The following DAB1 variants were observed in gnomAD, a reference collection of about 807,000 sequenced individuals.
DAB1 encodes disabled homolog 1.
Under a neutral mutation model 64.6 loss-of-function variants are expected in DAB1, and 15 were observed. That is an observed-to-expected ratio of 0.23 (90% CI 0.16 to 0.36). The LOEUF is 0.36. Among genes scored for constraint, DAB1 ranks in the 10% least tolerant of loss-of-function variants. The pLI, the probability that DAB1 is intolerant of heterozygous loss-of-function variation, is 1.00. For synonymous variants in DAB1, 235 were observed against 251.9 expected, an observed-to-expected ratio of 0.93 and a Z score of 0.64; for missense variants, 596 against 706.7, an observed-to-expected ratio of 0.84 and a Z score of 1.78.
intron 1 of DAB1, among the ~76,000 whole-genome samples, chr1:57,319,208 T>G (rs1336424596): frequency 6.6e-6 from 1 of 152,150 alleles, no homozygotes; most frequent in Non-Finnish European, 1.5e-5. Flanking sequence ...TGGAAACAGC[T>G]TGCTTGGGGA....
At chr1:58,382,162 T>A (rs1569710595) in intron 3 of DAB1, among the ~76,000 whole-genome samples, 1 of 152,220 alleles carries the variant, frequency 6.6e-6, no homozygotes, top group African/African-American at 2.4e-5. Context: ...ATGGCACAAA[T>A]CTATGTCATT....
At chr1:57,274,218 T>C (rs188597006) in intron 2 of DAB1, among the ~76,000 whole-genome samples, 49 of 152,338 alleles carry the variant, frequency 3.2e-4, no homozygotes, top group African/African-American at 1.1e-3. Context: ...CAGTAAGGCA[T>C]AGTGAGAAGG....
At chr1:58,305,988 C>G (rs1192498684) in intron 4 of DAB1, among the ~76,000 whole-genome samples, 1 of 151,898 alleles carries the variant, frequency 6.6e-6, no homozygotes, top group Non-Finnish European at 1.5e-5. Flanking sequence ...ACCCCCCCAC[C>G]CCCCTCCACA....
intron 4 of DAB1, among the ~76,000 whole-genome samples, chr1:57,127,262 A>C (rs1657205954): frequency 6.6e-6 from 1 of 152,238 alleles, no homozygotes; most frequent in Admixed American, 6.5e-5. Flanking sequence ...CCAAGTGGAC[A>C]GCTCGGATTT....
chr1:57,665,576 T>C (rs1422344870), intron 6 of DAB1, among the ~76,000 whole-genome samples: 4 of 152,164 alleles, frequency 2.6e-5, no homozygotes, highest in South Asian at 4.1e-4. Flanking sequence ...AGATTATTTA[T>C]GACAGGATAA....
chr1:57,976,162 C>T (rs1645914855), intron 5 of DAB1, among the ~76,000 whole-genome samples: 1 of 152,122 alleles, frequency 6.6e-6, no homozygotes, highest in South Asian at 2.1e-4. Flanking sequence ...GAACTGGGGG[C>T]TTCTCTGGTT....
At chr1:58,181,777 C>A (rs1656807820) in intron 4 of DAB1, among the ~76,000 whole-genome samples, 1 of 150,726 alleles carries the variant, frequency 6.6e-6, no homozygotes, top group Non-Finnish European at 1.5e-5. Flanking sequence ...TGTTATAAGC[C>A]CAACAATAGA....
chr1:58,499,967 G>GA (rs890548462), intron 3 of DAB1, among the ~76,000 whole-genome samples: 9 of 151,712 alleles, frequency 5.9e-5, no homozygotes, highest in Admixed American at 2.0e-4. Flanking sequence ...AAAAAAAGAA[G>GA]AAAAAAATGG....
chr1:57,840,285 T>C (rs746789189), intron 1 of DAB1, among the ~76,000 whole-genome samples: 4 of 152,104 alleles, frequency 2.6e-5, no homozygotes, highest in Non-Finnish European at 4.4e-5. Context: ...GCAGAAGGAA[T>C]ATCTGAGCTA....
At chr1:57,967,389 C>T (rs1234243959) in intron 5 of DAB1, among the ~76,000 whole-genome samples, 1 of 152,114 alleles carries the variant, frequency 6.6e-6, no homozygotes. Context: ...TACTTGCTAC[C>T]CACTATCAAG....
intron 2 of DAB1, among the ~76,000 whole-genome samples, chr1:57,204,941 T>A (rs186030550): frequency 4.7e-4 from 71 of 152,280 alleles, no homozygotes; most frequent in Non-Finnish European, 3.1e-4. Flanking sequence ...TTAAAGAACT[T>A]TCAACACAGG....
chr1:58,126,600 TC>T (rs1168930867), intron 5 of DAB1, among the ~76,000 whole-genome samples: 15 of 128,190 alleles, frequency 1.2e-4, no homozygotes, highest in Admixed American at 1.6e-4. Flanking sequence ...ATGCTATCCC[TC>T]CCCCCCTACC....
At chr1:58,041,792 T>A (rs543433825) in intron 5 of DAB1, among the ~76,000 whole-genome samples, 1 of 152,314 alleles carries the variant, frequency 6.6e-6, no homozygotes, top group East Asian at 1.9e-4. Context: ...CGAGGCTGCA[T>A]CAGGACTGGC....
chr1:58,456,324 A>C (rs533988709), intron 3 of DAB1, among the ~76,000 whole-genome samples: 1 of 152,082 alleles, frequency 6.6e-6, no homozygotes, highest in Admixed American at 6.5e-5. Context: ...TTGTCTGGCT[A>C]CAGAGTCTAC....
intron 6 of DAB1, among the ~76,000 whole-genome samples, chr1:57,678,311 AAAC>A (rs1244173726): frequency 6.6e-6 from 1 of 152,220 alleles, no homozygotes; most frequent in African/African-American, 2.4e-5. Flanking sequence ...GAACTAAAAC[AAAC>A]AACAGTAAAC....
intron 1 of DAB1, among the ~76,000 whole-genome samples, chr1:57,829,258 A>C (rs1461790321): frequency 6.6e-6 from 1 of 152,242 alleles, no homozygotes; most frequent in East Asian, 1.9e-4. Flanking sequence ...TTAAAAATTT[A>C]AGAAGTTCGC....
intron 7 of DAB1, among the ~76,000 whole-genome samples, chr1:57,490,623 A>C (rs944717117): frequency 7.9e-5 from 12 of 152,214 alleles, no homozygotes; most frequent in African/African-American, 2.9e-4. Flanking sequence ...TTCAGTTTAC[A>C]AACTAGAGAA....
chr1:57,275,852 A>G (rs1671414193), intron 2 of DAB1, among the ~76,000 whole-genome samples: 1 of 152,238 alleles, frequency 6.6e-6, no homozygotes, highest in Admixed American at 6.5e-5. Flanking sequence ...TAAACACTGT[A>G]TCCGTTCAAG....
intron 5 of DAB1, among the ~76,000 whole-genome samples, chr1:57,946,352 C>T (rs113529118): frequency 4.6e-5 from 7 of 152,174 alleles, no homozygotes; most frequent in Non-Finnish European, 1.0e-4. Context: ...AATCTAATAG[C>T]AAGTCATGGT....
Sources: allele counts gnomAD v4.1 joint callset (sites outside exome capture counted in the v4.1 genomes callset), GRCh38; gene constraint gnomAD v4.1.1; transcripts MANE v1.5; gene names NCBI Gene and HGNC (gene_info 2026-07-23, HGNC 2026-07-21).